NBEA: variants seen among roughly 807,000 people sequenced by gnomAD.
The protein encoded by NBEA is neurobeachin.
NBEA carries 44 observed loss-of-function variants against 343.4 expected under a neutral mutation model. That is an observed-to-expected ratio of 0.13 (90% confidence interval 0.10 to 0.16). The LOEUF is 0.16. NBEA is among the 10% of genes least tolerant of loss of function. The pLI is 1.00. For synonymous variants in NBEA, 1,175 were observed against 1,238.7 expected, an observed-to-expected ratio of 0.95 and a Z score of 1.08; for missense variants, 2,555 against 3,631.3, an observed-to-expected ratio of 0.70 and a Z score of 7.62.
intron 38 of NBEA, among the ~76,000 whole-genome samples, chr13:35,396,493 C>T: frequency 6.6e-6 from 1 of 151,994 alleles, no homozygotes; most frequent in South Asian, 2.1e-4. Context: ...CCTTAAATTT[C>T]AGTTTACATA....
chr13:35,029,492 G>T (rs912732883), intron 1 of NBEA, among the ~76,000 whole-genome samples: 1 of 151,598 alleles, frequency 6.6e-6, no homozygotes, highest in African/African-American at 2.4e-5. Flanking sequence ...TATGGCAGTA[G>T]CTGGGAATTA....
intron 13 of NBEA, among the ~76,000 whole-genome samples, chr13:35,114,546 A>G (rs1310705884): frequency 6.6e-6 from 1 of 151,702 alleles, no homozygotes; most frequent in Non-Finnish European, 1.5e-5. Flanking sequence ...CCTGACCTCT[A>G]CTGTCTCCTT....
At chr13:35,027,459 G>A (rs1443013058) in intron 1 of NBEA, among the ~76,000 whole-genome samples, 1 of 151,504 alleles carries the variant, frequency 6.6e-6, no homozygotes, top group Non-Finnish European at 1.5e-5. Flanking sequence ...TATATATGCA[G>A]GGATAACTCT....
At chr13:35,292,217 A>G (rs1389955338) in intron 35 of NBEA, among the ~76,000 whole-genome samples, 1 of 152,000 alleles carries the variant, frequency 6.6e-6, no homozygotes, top group African/African-American at 2.4e-5. Flanking sequence ...TAATTGCTCC[A>G]TGAATGTTTA....
chr13:35,048,535 T>C, intron 4 of NBEA, 28 bp from the exon 5 acceptor site: 20 of 1,593,524 alleles, frequency 1.3e-5, no homozygotes, highest in Non-Finnish European at 1.6e-5. Context: ...TAACTGATAC[T>C]TTCGTACCTT....
chr13:35,454,682 A>G (rs1418200930), intron 40 of NBEA, among the ~76,000 whole-genome samples: 2 of 152,054 alleles, frequency 1.3e-5, no homozygotes, highest in African/African-American at 4.8e-5. Flanking sequence ...AACATGGTGA[A>G]ACCCCGTCTC....
intron 41 of NBEA, among the ~76,000 whole-genome samples, chr13:35,534,664 C>A (rs1359256978): frequency 6.6e-6 from 1 of 152,184 alleles, no homozygotes; most frequent in South Asian, 2.1e-4. Flanking sequence ...TCATTTAATT[C>A]TTTCAACAAC....
intron 1 of NBEA, among the ~76,000 whole-genome samples, chr13:35,023,881 A>G (rs555625466): frequency 6.6e-6 from 1 of 152,096 alleles, no homozygotes; most frequent in East Asian, 1.9e-4. Flanking sequence ...ACGTGGGTAA[A>G]TTGTGTGTCT....
At chr13:35,045,735 T>TTGTTC (rs1377558147) in intron 4 of NBEA, among the ~76,000 whole-genome samples, 1 of 151,982 alleles carries the variant, frequency 6.6e-6, no homozygotes, top group Non-Finnish European at 1.5e-5. Context: ...TTGTTTTGTT[T>TTGTTC]TGTTTTGTGT....
chr13:35,538,005 C>T (rs75419091), intron 41 of NBEA, among the ~76,000 whole-genome samples: 1 of 152,192 alleles, frequency 6.6e-6, no homozygotes, highest in East Asian at 1.9e-4. Context: ...GAATTCAGAT[C>T]ATTAAGAGAG....
chr13:35,472,459 A>G lies in NBEA; in HGVS notation c.6508A>G (p.Thr2170Ala). ...LIAPVVVAKGTLSITTTEIYF... is the reference protein window; with the variant it reads ...LIAPVVVAKGALSITTTEIYF... ...CGCTCCCGTGGTGGTGGCCAAGGGG[A>G]CTCTCTCCATCACCACGACAGAAAT... The change falls in exon 41 of 59, where the codon ACT (threonine) becomes GCT (alanine). Residue 2170 changes from threonine (T) to alanine (A), a missense_variant. Physicochemically the swap from Thr to Ala is moderately conservative, Grantham distance 58. Around this residue, in one of 21 missense-constraint regions of NBEA, gnomAD observed 246 missense variants for 313.7 expected, o/e 0.78. Coordinates refer to ENST00000379939, the MANE Select transcript of NBEA (RefSeq NM_001385012.1). The G allele has an allele frequency of 6.2e-7, 1 of 1,613,736 alleles. No individual in the cohort carries two copies. Among genetic ancestry groups the G allele is most frequent in the Non-Finnish European group, 8.5e-7 (1 of 1,179,848 alleles).
intron 1 of NBEA, among the ~76,000 whole-genome samples, chr13:34,990,424 A>G (rs1212540906): frequency 6.6e-6 from 1 of 151,178 alleles, no homozygotes; most frequent in Non-Finnish European, 1.5e-5. Context: ...CATAGAAGTC[A>G]CCAAAGTTTG....
intron 38 of NBEA, among the ~76,000 whole-genome samples, chr13:35,412,170 G>A (rs1417971408): frequency 4.6e-5 from 7 of 152,106 alleles, no homozygotes; most frequent in Non-Finnish European, 4.4e-5. Flanking sequence ...GCTAGTATGT[G>A]TATAGATATA....
chr13:35,003,043 A>G (rs949668587), intron 1 of NBEA, among the ~76,000 whole-genome samples: 6 of 152,192 alleles, frequency 3.9e-5, no homozygotes, highest in Non-Finnish European at 5.9e-5. Context: ...CCACAGTACA[A>G]TGAACGAAGA....
At chr13:35,253,547 G>C (rs2032227799) in intron 34 of NBEA, among the ~76,000 whole-genome samples, 1 of 152,148 alleles carries the variant, frequency 6.6e-6, no homozygotes, top group African/African-American at 2.4e-5. Context: ...TATCTCTGAG[G>C]ATGCCTGTAT....
intron 38 of NBEA, among the ~76,000 whole-genome samples, chr13:35,393,508 A>T (rs999775601): frequency 6.6e-6 from 1 of 152,138 alleles, no homozygotes; most frequent in Non-Finnish European, 1.5e-5. Flanking sequence ...CCAAAACATC[A>T]TTTGAAACAC....
At chr13:35,515,403 A>T (rs781247302) in intron 41 of NBEA, among the ~76,000 whole-genome samples, 2 of 152,220 alleles carry the variant, frequency 1.3e-5, no homozygotes, top group Non-Finnish European at 2.9e-5. Flanking sequence ...CCTTTTTATC[A>T]AAATACACAT....
chr13:35,250,352 T>G (rs944443312), intron 34 of NBEA, among the ~76,000 whole-genome samples: 4 of 152,046 alleles, frequency 2.6e-5, no homozygotes, highest in African/African-American at 9.7e-5. Context: ...CACAATTCTA[T>G]AGAAAAAATG....
In NBEA at chr13:35,208,855, G is replaced by T; in HGVS notation, c.5521+1G>T. 4 of 1,531,774 alleles carry T rather than the reference G, an allele frequency of 2.6e-6. No individual in the cohort carries two copies. Among genetic ancestry groups the T allele is most frequent in the Non-Finnish European group, 3.5e-6 (4 of 1,129,470 alleles). The allele number at this position is 1,531,774 out of a possible 1,614,324, so 94.9% of individuals were successfully genotyped here. A position where few individuals can be genotyped will look rare whatever the true frequency, so the allele number is the denominator to read the frequency against. On this transcript the variant is annotated splice_donor_variant, in intron 32 of 58. Transcript: ENST00000379939. LOFTEE classifies it high-confidence loss of function. The stretch of plus-strand genomic sequence containing the variant: ...CCAAAAAGTATGATTAATACAACAG[G>T]TATTGTACTTACATATTTTTGTGAT...
Sources: allele counts gnomAD v4.1 joint callset (sites outside exome capture counted in the v4.1 genomes callset), GRCh38; gene constraint gnomAD v4.1.1; regional missense constraint gnomAD v4.1.1; transcripts MANE v1.5; gene names NCBI Gene and HGNC (gene_info 2026-07-23, HGNC 2026-07-21).